Variants in DCUN1D2 observed in about 807,000 individuals in gnomAD.
DCUN1D2 encodes the protein DCN1-like protein 2.
DCUN1D2 carries 29 observed loss-of-function variants against 30.9 expected under a neutral mutation model. That is an observed-to-expected ratio of 0.94 (90% CI 0.70 to 1.28). The LOEUF is 1.28. Ranked by LOEUF, DCUN1D2 falls within the 50% of genes most tolerant of loss-of-function variation. DCUN1D2 has a pLI of 0.00. For missense variants in DCUN1D2, 325 were observed against 316.9 expected, an observed-to-expected ratio of 1.03 and a Z score of -0.19; for synonymous variants, 121 against 115.3, an observed-to-expected ratio of 1.05 and a Z score of -0.32.
chr13:113,475,212 G>A (rs996126010), intron 3 of DCUN1D2, among the ~76,000 whole-genome samples: 4 of 152,314 alleles, frequency 2.6e-5, no homozygotes, highest in South Asian at 4.1e-4. Flanking sequence ...AGCAGAAGGC[G>A]TATGTCACAG....
At chr13:113,483,737 G>A (rs1411122698) in intron 2 of DCUN1D2, 103 bp downstream of exon 2, 4 of 1,153,568 alleles carry the variant, frequency 3.5e-6, no homozygotes, top group Non-Finnish European at 3.7e-6. Flanking sequence ...GAGAAGCAAC[G>A]GCAGCCCGGA....
At chr13:113,462,787 G>C (rs1208884520) in intron 4 of DCUN1D2, 1 of 1,153,762 alleles carries the variant, frequency 8.7e-7, no homozygotes, top group Non-Finnish European at 1.1e-6. Flanking sequence ...GTCTTGTCCT[G>C]CTTATAAGTC....
intron 4 of DCUN1D2, among the ~76,000 whole-genome samples, chr13:113,467,164 G>A (rs1316724282): frequency 6.6e-6 from 1 of 152,086 alleles, no homozygotes; most frequent in Non-Finnish European, 1.5e-5. Context: ...AAAACTTAAA[G>A]CACCAGAACC....
rs757157869 is a variant in DCUN1D2, at chr13:113,490,640, G to A, written c.3+27C>T. On this transcript the variant is annotated intron_variant, in intron 1 of 6. Transcript: ENST00000478244. The surrounding 1 kb of genome is among the most constrained non-coding windows in gnomAD (Gnocchi z 5.2). ...GCCCGACCCCGACCCCGACCCCGAC[G>A]GGCAGAGGCGACGCCGGGCCACCTA... 4.9e-5 allele frequency: 61 copies of A among 1,237,506 alleles called. No individual in the cohort carries two copies. The highest frequency in any genetic ancestry group is 4.2e-4 in the South Asian group (14 of 33,312). The allele number at this position is 1,237,506 out of a possible 1,614,324, so 76.7% of individuals were successfully genotyped here. A position where few individuals can be genotyped will look rare whatever the true frequency, so the allele number is the denominator to read the frequency against.
At chr13:113,458,978 G>A (rs2044273411) in intron 6 of DCUN1D2, among the ~76,000 whole-genome samples, 1 of 152,208 alleles carries the variant, frequency 6.6e-6, no homozygotes, top group African/African-American at 2.4e-5. Flanking sequence ...TCAGCCTGAA[G>A]AGTGCAGTGT....
At position 113,468,043 on chromosome 13, in the gene DCUN1D2, T is replaced by TA. The variant is rs59075073; in HGVS notation, c.520+6080dup. On this transcript the variant is annotated intron_variant, in intron 4 of 6. Coordinates refer to ENST00000478244, the MANE Select transcript of DCUN1D2 (RefSeq NM_001014283.2). ...TGGGCGACAGAGCGAGGATCCATCTTAAAAAAAAAAAAAAAAAAAAAAGAA... is the reference window on the plus strand; with the variant it reads ...TGGGCGACAGAGCGAGGATCCATCTTAAAAAAAAAAAAAAAAAAAAAAAGAA... Among the ~76,000 whole-genome samples the TA allele has an allele frequency of 7.3e-3, 707 of 97,056 alleles. 7 individuals carry two copies. The highest frequency in any genetic ancestry group is 0.017 in the African/African-American group (422 of 24,936). 63.7% of individuals were successfully genotyped at this position (97,056 alleles called of 152,430 possible).
intron 4 of DCUN1D2, chr13:113,462,700 G>C: frequency 1.0e-6 from 1 of 973,766 alleles, no homozygotes; most frequent in Non-Finnish European, 1.2e-6. Flanking sequence ...GTCAGAAAGT[G>C]CCAAGTAACT....
At chr13:113,469,620 G>A (rs2044469101) in intron 4 of DCUN1D2, among the ~76,000 whole-genome samples, 1 of 152,216 alleles carries the variant, frequency 6.6e-6, no homozygotes, top group African/African-American at 2.4e-5. Context: ...GCCTGAGGGT[G>A]CGGTCATGGC....
chr13:113,462,183 C>T (rs1420952135), intron 4 of DCUN1D2, among the ~76,000 whole-genome samples: 28 of 150,080 alleles, frequency 1.9e-4, no homozygotes, highest in Admixed American at 1.8e-3. Context: ...ACCTGGGAGG[C>T]GGAGGTTGTG....
At chr13:113,476,859 C>T (rs2044626337) in intron 3 of DCUN1D2, among the ~76,000 whole-genome samples, 1 of 152,120 alleles carries the variant, frequency 6.6e-6, no homozygotes, top group Non-Finnish European at 1.5e-5. Flanking sequence ...ATTTATTTTT[C>T]CCCAAAATAC....
chr13:113,489,609 C>T (rs2044887125), intron 1 of DCUN1D2, among the ~76,000 whole-genome samples: 1 of 152,138 alleles, frequency 6.6e-6, no homozygotes, highest in Non-Finnish European at 1.5e-5. Flanking sequence ...CCACTCCCCT[C>T]TACACGTTAC....
intron 2 of DCUN1D2, among the ~76,000 whole-genome samples, chr13:113,481,638 C>A (rs930275644): frequency 6.6e-6 from 1 of 152,010 alleles, no homozygotes; most frequent in Non-Finnish European, 1.5e-5. Context: ...AATCCCAGCA[C>A]TTTGGGAGGC....
intron 2 of DCUN1D2, among the ~76,000 whole-genome samples, chr13:113,483,390 T>C (rs2139739586): frequency 6.6e-6 from 1 of 152,324 alleles, no homozygotes; most frequent in South Asian, 2.1e-4. Flanking sequence ...AGGAAAACAC[T>C]AAGGTTTACC....
chr13:113,480,415 CCAA>C (rs2044688257), intron 3 of DCUN1D2, 157 bp downstream of exon 3: 4 of 528,382 alleles, frequency 7.6e-6, no homozygotes, highest in South Asian at 6.3e-5. Context: ...TAAAAGGAAA[CCAA>C]AGGCTTGATA....
Position 113,490,424 on chromosome 13 carries a change from T to C in DCUN1D2, c.3+243A>G. On this transcript the variant is annotated intron_variant, in intron 1 of 6. Transcript: ENST00000478244. This position sits in a 1 kb window ranked among gnomAD's most constrained non-coding sequence, Gnocchi z 5.2. ...CTACAGTTCCTCCCGGCCCCCGCCC[T>C]CCGCTCACTCCCGGTCGTCCCTCGC... 1.6e-5 allele frequency: 5 copies of C among 313,902 alleles called. No homozygotes were observed. The highest frequency in any genetic ancestry group is 1.1e-4 in the South Asian group (2 of 18,456). The allele number at this position is 313,902 out of a possible 1,614,324, so 19.4% of individuals were successfully genotyped here. A position where few individuals can be genotyped will look rare whatever the true frequency, so the allele number is the denominator to read the frequency against.
At chr13:113,469,193 G>A (rs1486870097) in intron 4 of DCUN1D2, among the ~76,000 whole-genome samples, 1 of 151,576 alleles carries the variant, frequency 6.6e-6, no homozygotes, top group Non-Finnish European at 1.5e-5. Context: ...GGAGCACCAT[G>A]AAGTCGAAAA....
chr13:113,473,760 C>G (rs776387052), intron 4 of DCUN1D2, among the ~76,000 whole-genome samples: 1 of 152,222 alleles, frequency 6.6e-6, no homozygotes, highest in Non-Finnish European at 1.5e-5. Context: ...TCCCAACACT[C>G]TGAAGTGGGA....
chr13:113,480,512 G>A (rs543575115), intron 3 of DCUN1D2, 63 bp downstream of exon 3: 8 of 1,583,560 alleles, frequency 5.1e-6, no homozygotes, highest in Non-Finnish European at 6.0e-6. Flanking sequence ...ACAGGTTGCT[G>A]AAAAATAATG....
intron 4 of DCUN1D2, among the ~76,000 whole-genome samples, chr13:113,464,140 TTTTC>T (rs1364826747): frequency 3.3e-5 from 5 of 152,254 alleles, no homozygotes; most frequent in Non-Finnish European, 4.4e-5. Flanking sequence ...GAGGCTATTG[TTTTC>T]TTTAATAAAA....
Sources: allele counts gnomAD v4.1 joint callset (sites outside exome capture counted in the v4.1 genomes callset), GRCh38; gene constraint gnomAD v4.1.1; non-coding constraint Gnocchi (gnomAD v3.1); transcripts MANE v1.5; gene names NCBI Gene and HGNC (gene_info 2026-07-23, HGNC 2026-07-21).